TNPO3: variants seen among roughly 807,000 people sequenced by gnomAD.
TNPO3 encodes transportin 3, also known as transportin-3.
In TNPO3, 65 loss-of-function variants were observed where a neutral mutation model predicts 122.8. That is an observed-to-expected ratio of 0.53 (90% confidence interval 0.43 to 0.65). TNPO3 has a LOEUF of 0.65. TNPO3 is among the 30% of genes least tolerant of loss of function. The pLI is 0.00. For synonymous variants in TNPO3, 372 were observed against 411.2 expected (o/e 0.90, Z 1.15); for missense variants, 850 against 1,136.7 (o/e 0.75, Z 3.63).
chr7:129,043,440 G>A (rs889366183), intron 1 of TNPO3, among the ~76,000 whole-genome samples: 1 of 152,056 alleles, frequency 6.6e-6, no homozygotes, highest in African/African-American at 2.4e-5. Flanking sequence ...ATAAAAGAAA[G>A]GAATCAATAA....
intron 1 of TNPO3, among the ~76,000 whole-genome samples, chr7:129,042,826 T>C (rs1005954879): frequency 1.4e-5 from 2 of 145,474 alleles, no homozygotes; most frequent in African/African-American, 2.6e-5. Flanking sequence ...ACTTAGCTAA[T>C]ATCTTCACCA....
intron 21 of TNPO3, among the ~76,000 whole-genome samples, chr7:128,958,573 C>G (rs1197607023): frequency 2.0e-5 from 3 of 152,122 alleles, no homozygotes; most frequent in African/African-American, 2.4e-5. Context: ...TGGTTAAACA[C>G]CAGGGGAGGA....
At chr7:128,984,081 A>G in intron 13 of TNPO3, 87 bp downstream of exon 13, 1 of 782,028 alleles carries the variant, frequency 1.3e-6, no homozygotes, top group Non-Finnish European at 1.9e-6. Context: ...AGGTAGACAA[A>G]AGATCTGTAA....
chr7:128,995,057 T>A (rs1474434480), intron 8 of TNPO3, among the ~76,000 whole-genome samples: 2 of 152,130 alleles, frequency 1.3e-5, no homozygotes, highest in Non-Finnish European at 2.9e-5. Flanking sequence ...GCCTTGGCCT[T>A]CCAAAGTGCT....
intron 10 of TNPO3, among the ~76,000 whole-genome samples, chr7:128,991,009 T>A (rs1227471433): frequency 6.6e-6 from 1 of 152,214 alleles, no homozygotes; most frequent in African/African-American, 2.4e-5. Flanking sequence ...ATTTATGACT[T>A]ATGTTTCCTA....
At chr7:128,978,023 G>A (rs1799250268) in intron 16 of TNPO3, among the ~76,000 whole-genome samples, 3 of 152,176 alleles carry the variant, frequency 2.0e-5, no homozygotes. Context: ...CTCTGTGACT[G>A]TTTTCCTCAC....
At chr7:129,032,159 C>G (rs544143554) in intron 1 of TNPO3, among the ~76,000 whole-genome samples, 2 of 152,244 alleles carry the variant, frequency 1.3e-5, no homozygotes, top group Non-Finnish European at 2.9e-5. Context: ...ACTTTGACAC[C>G]CTTTCATGAT....
intron 1 of TNPO3, among the ~76,000 whole-genome samples, chr7:129,035,070 C>G (rs983523465): frequency 4.6e-5 from 7 of 150,724 alleles, no homozygotes; most frequent in Admixed American, 4.0e-4. Context: ...GTCAGGGGAT[C>G]GAGACCATCC....
Position 128,990,113 on chromosome 7 carries a change from G to C in TNPO3, c.1359-13C>G. 1 of 1,614,020 alleles carries C rather than the reference G, an allele frequency of 6.2e-7. No homozygotes were observed. Among genetic ancestry groups the C allele is most frequent in the Non-Finnish European group, 8.5e-7 (1 of 1,179,906 alleles). ...TGGATTGTTTTCCCTGAGTACAGGC[G>C]GTAAGTACTCACAGTTACTGATTTC... On this transcript the variant is annotated splice_polypyrimidine_tract_variant and intron_variant, in intron 10 of 22. Coordinates refer to ENST00000265388, the MANE Select transcript of TNPO3 (RefSeq NM_012470.4).
intron 1 of TNPO3, among the ~76,000 whole-genome samples, chr7:129,019,688 C>CA (rs1179407206): frequency 6.6e-6 from 1 of 151,982 alleles, no homozygotes; most frequent in Admixed American, 6.6e-5. Flanking sequence ...CGTGCCTCTA[C>CA]AAAAAAATTT....
intron 21 of TNPO3, among the ~76,000 whole-genome samples, chr7:128,958,137 C>CTTTTTTTTTTTTT (rs55683535): frequency 8.3e-5 from 8 of 96,218 alleles, no homozygotes; most frequent in Non-Finnish European, 1.4e-4. Context: ...GAAGCACTTC[C>CTTTTTTTTTTTTT]TTTTTTTTTT....
intron 21 of TNPO3, among the ~76,000 whole-genome samples, chr7:128,964,333 C>CTTTTTTT (rs35667373): frequency 1.7e-5 from 2 of 120,678 alleles, no homozygotes; most frequent in Admixed American, 9.8e-5. Flanking sequence ...CCAAAACAAT[C>CTTTTTTT]TTTTTTTTTT....
intron 15 of TNPO3, 74 bp downstream of exon 15, chr7:128,979,897 C>G (rs1211130691): frequency 3.0e-6 from 4 of 1,341,922 alleles, no homozygotes; most frequent in Non-Finnish European, 4.3e-6. Flanking sequence ...AGTATCTTCT[C>G]AGGTGAGTTA....
intron 8 of TNPO3, among the ~76,000 whole-genome samples, chr7:128,994,759 A>G (rs1281343322): frequency 6.6e-6 from 1 of 152,092 alleles, no homozygotes; most frequent in Non-Finnish European, 1.5e-5. Context: ...CCTGGGCTTA[A>G]GCAATCCTCC....
Position 129,037,239 on chromosome 7 carries a change from T to A in TNPO3, c.120+17412A>T, listed in dbSNP as rs560952598. On this transcript the variant is annotated intron_variant, in intron 1 of 22. Transcript: ENST00000265388. ...TATAATGACAGAAACAATACTGCTT[T>A]CCGTAAGTTAACAATACACGAAAGC... is the stretch of plus-strand genomic sequence containing the variant. Among the ~76,000 whole-genome samples the A allele has an allele frequency of 1.1e-4, 16 of 152,280 alleles. 1 individual carries two copies. In the South Asian group the frequency reaches 3.3e-3, roughly 32 times the overall value.
chr7:129,018,260 G>C (rs974643239), intron 1 of TNPO3, 103 bp from the exon 2 acceptor site: 3 of 1,192,298 alleles, frequency 2.5e-6, no homozygotes, highest in Non-Finnish European at 3.5e-6. Flanking sequence ...AAAGTATAAA[G>C]AAAGAAAAAT....
Position 129,005,176 on chromosome 7 carries a change from A to T in TNPO3, c.553-17T>A. ...ACAGGTCATCTGAATAGAGAAAAAA[A>T]CTTAAAATGAATAATGTTAATCTAT... On this transcript the variant is annotated splice_polypyrimidine_tract_variant and intron_variant, in intron 4 of 22. Transcript: ENST00000265388. 1 of 1,601,494 alleles carries T rather than the reference A, an allele frequency of 6.2e-7. No individual in the cohort carries two copies. The highest frequency in any genetic ancestry group is 2.2e-5 in the East Asian group (1 of 44,742).
chr7:128,982,983 AC>A (rs1799780823), intron 13 of TNPO3, among the ~76,000 whole-genome samples: 2 of 152,156 alleles, frequency 1.3e-5, no homozygotes, highest in Non-Finnish European at 2.9e-5. Context: ...ACATTTTCTA[AC>A]TGATGATTAC....
chr7:128,997,415 G>A lies in TNPO3; in HGVS notation c.1132C>T (p.Arg378Ter), dbSNP rs747107121. 3.1e-6 allele frequency: 5 copies of A among 1,614,142 alleles called. No homozygotes were observed. Among genetic ancestry groups the A allele is most frequent in the Non-Finnish European group, 2.5e-6 (3 of 1,180,002 alleles). The change falls in exon 8 of 23, where the codon CGA (arginine) becomes TGA (stop). Residue 378 changes from arginine (R) to a stop codon, truncating the protein, a stop_gained. Coordinates refer to ENST00000265388, the MANE Select transcript of TNPO3 (RefSeq NM_012470.4). LOFTEE classifies it high-confidence loss of function. ...TGGTCTGGTTCCAGCTGGCAGTGTC[G>A]AGCCAAGGCGTGAAGCAGCCTCTGA... The part of the protein sequence containing the change: ...YIQRLLHALA[R>*]HCQLEPDHEG...
Sources: allele counts gnomAD v4.1 joint callset (sites outside exome capture counted in the v4.1 genomes callset), GRCh38; gene constraint gnomAD v4.1.1; transcripts MANE v1.5; gene names NCBI Gene and HGNC (gene_info 2026-07-23, HGNC 2026-07-21).